Variants in GLRA1 observed in about 807,000 individuals in gnomAD.
GLRA1 encodes the protein glycine receptor alpha 1.
In GLRA1, 37 loss-of-function variants were observed where a neutral mutation model predicts 48.3. The ratio of observed to expected loss-of-function variants is 0.77; its 90% CI spans 0.59 to 1.01. The LOEUF (loss-of-function observed/expected upper bound fraction) is 1.01, where lower values mean the gene tolerates loss of function less well. Among genes scored for constraint, GLRA1 ranks in the 50% least tolerant of loss-of-function variants. The pLI, the probability that GLRA1 is intolerant of heterozygous loss-of-function variation, is 0.00. For synonymous variants in GLRA1, 196 were observed against 210.7 expected, an observed-to-expected ratio of 0.93 and a Z score of 0.60; for missense variants, 427 against 571.0, an observed-to-expected ratio of 0.75 and a Z score of 2.57.
intron 6 of GLRA1, among the ~76,000 whole-genome samples, chr5:151,853,194 AGTGCTGTCCTGT>A (rs1752952966): frequency 6.6e-6 from 1 of 152,174 alleles, no homozygotes; most frequent in African/African-American, 2.4e-5. Context: ...TAGAATTAAC[AGTGCTGTCCTGT>A]GTGCTTGAAA....
intron 2 of GLRA1, among the ~76,000 whole-genome samples, chr5:151,887,203 T>C (rs764699061): frequency 6.6e-6 from 1 of 152,238 alleles, no homozygotes; most frequent in Admixed American, 6.5e-5. Flanking sequence ...CTTCAACTTA[T>C]GAACCAAGAA....
chr5:151,904,299 G>A (rs1246493614), intron 1 of GLRA1, among the ~76,000 whole-genome samples: 1 of 152,164 alleles, frequency 6.6e-6, no homozygotes, highest in Non-Finnish European at 1.5e-5. Context: ...CACACAGGGG[G>A]ACCAAACGGG....
At chr5:151,871,054 C>T (rs915866435) in intron 3 of GLRA1, among the ~76,000 whole-genome samples, 2 of 149,448 alleles carry the variant, frequency 1.3e-5, no homozygotes, top group African/African-American at 5.2e-5. Context: ...GACACCTCCC[C>T]TGGTGTACTG....
chr5:151,850,333 T>C (rs1476379099), intron 7 of GLRA1: 16 of 1,536,802 alleles, frequency 1.0e-5, no homozygotes, highest in African/African-American at 1.4e-5. Flanking sequence ...CATTTCTGGG[T>C]GGGCTGTTTC....
chr5:151,886,898 AGATCC>A, intron 2 of GLRA1, 110 bp from the exon 3 acceptor site: 1 of 827,952 alleles, frequency 1.2e-6, no homozygotes, highest in South Asian at 1.3e-5. Context: ...TTGGTGGAGG[AGATCC>A]TTGCTTGCTC....
At chr5:151,904,238 T>C (rs933211003) in intron 1 of GLRA1, among the ~76,000 whole-genome samples, 5 of 152,166 alleles carry the variant, frequency 3.3e-5, no homozygotes, top group Non-Finnish European at 7.3e-5. Flanking sequence ...GGGATTTCTG[T>C]CCTTTTTACC....
rs201218235 is a variant in GLRA1, at chr5:151,851,911, C to CCAT, written c.698-310_698-308dup. On this transcript the variant is annotated intron_variant, in intron 6 of 8. Coordinates refer to ENST00000274576, the MANE Select transcript of GLRA1 (RefSeq NM_000171.4). Reference sequence around the variant, plus strand: ...TTGTCAATTGCCAACATCACTGTTACCATCATCATCATCATCATCATCATC... The same window carrying CCAT: ...TTGTCAATTGCCAACATCACTGTTACCATCATCATCATCATCATCATCATCATC... 1.1e-3 allele frequency among the ~76,000 whole-genome samples: 162 copies of CCAT among 151,774 alleles called. 1 individual carries two copies. Among genetic ancestry groups the CCAT allele is most frequent in the African/African-American group, 2.7e-3 (112 of 41,364 alleles).
intron 7 of GLRA1, among the ~76,000 whole-genome samples, chr5:151,830,697 G>A (rs560281639): frequency 2.6e-5 from 4 of 152,254 alleles, no homozygotes; most frequent in African/African-American, 9.6e-5. Context: ...ACCAACCTGA[G>A]CAGAGACTTC....
chr5:151,908,648 CCT>C (rs1216909011), intron 1 of GLRA1, among the ~76,000 whole-genome samples: 2 of 152,054 alleles, frequency 1.3e-5, no homozygotes, highest in Admixed American at 6.5e-5. Context: ...ATTTCTCTCC[CCT>C]TTCTTGTTTT....
At position 151,911,965 on chromosome 5, in the gene GLRA1, G is replaced by C. The variant is rs142333116; in HGVS notation, c.56+12529C>G. ...ATATGCCAACTTAATTTAAGAATTA[G>C]GCAATGACAGCTGGAATGACCTGTA... On this transcript the variant is annotated intron_variant, in intron 1 of 8. Transcript: ENST00000274576. 7.1e-3 allele frequency among the ~76,000 whole-genome samples: 1,082 copies of C among 152,254 alleles called. 52 individuals carry two copies. The highest frequency in any genetic ancestry group is 0.064 in the Admixed American group (980 of 15,280).
chr5:151,849,740 G>T (rs1395749673), intron 7 of GLRA1: 3 of 348,838 alleles, frequency 8.6e-6, no homozygotes, highest in Non-Finnish European at 1.5e-5. Flanking sequence ...TTTTAGTAGA[G>T]ACGTGGTTTC....
Position 151,924,794 on chromosome 5 carries a change from C to G in GLRA1, c.-245G>C. On this transcript the variant is annotated 5_prime_UTR_variant, in exon 1 of 9. Transcript: ENST00000274576. ...AGCGTCCAGACCTGCTTTTCAGGAGCGCGAAGAGTATTGCTGTTTGTTAAA... is the reference window on the plus strand; with the variant it reads ...AGCGTCCAGACCTGCTTTTCAGGAGGGCGAAGAGTATTGCTGTTTGTTAAA... The G allele has an allele frequency of 1.7e-6, 1 of 590,282 alleles. No homozygotes were observed. 36.6% of individuals were successfully genotyped at this position (590,282 alleles called of 1,614,324 possible).
At chr5:151,861,860 G>T (rs1482502940) in intron 3 of GLRA1, among the ~76,000 whole-genome samples, 1 of 152,106 alleles carries the variant, frequency 6.6e-6, no homozygotes, top group Non-Finnish European at 1.5e-5. Context: ...ACTGCCCAAG[G>T]TAATTTATAG....
At chr5:151,889,755 C>T (rs568519425) in intron 2 of GLRA1, among the ~76,000 whole-genome samples, 1 of 152,052 alleles carries the variant, frequency 6.6e-6, no homozygotes, top group Admixed American at 6.6e-5. Context: ...TTTAGGGAAT[C>T]TGATTTGTGT....
chr5:151,910,465 A>C (rs1291711305), intron 1 of GLRA1, among the ~76,000 whole-genome samples: 1 of 152,190 alleles, frequency 6.6e-6, no homozygotes, highest in South Asian at 2.1e-4. Flanking sequence ...CCCATAAGAG[A>C]ACATTAATAC....
chr5:151,924,455 T>C (rs978805775), intron 1 of GLRA1, 39 bp downstream of exon 1: 1 of 1,277,894 alleles, frequency 7.8e-7, no homozygotes, highest in Non-Finnish European at 1.1e-6. Flanking sequence ...TTTCCCCCCA[T>C]TTCCATCAGA....
chr5:151,883,868 C>T (rs1445543269), intron 3 of GLRA1, among the ~76,000 whole-genome samples: 5 of 152,148 alleles, frequency 3.3e-5, no homozygotes, highest in African/African-American at 1.2e-4. Context: ...TCTGCTACAC[C>T]GTTTCTGTAG....
At chr5:151,848,302 G>A (rs1259305527) in intron 7 of GLRA1, among the ~76,000 whole-genome samples, 1 of 152,228 alleles carries the variant, frequency 6.6e-6, no homozygotes, top group East Asian at 1.9e-4. Flanking sequence ...GGGTGCTGAT[G>A]TGACCAGCCC....
chr5:151,889,499 T>C (rs754476582), intron 2 of GLRA1, among the ~76,000 whole-genome samples: 35 of 152,228 alleles, frequency 2.3e-4, no homozygotes, highest in Non-Finnish European at 4.1e-4. Context: ...GCTGTTTTAG[T>C]GCCCTTTACT....
Sources: gnomAD v4.1 joint callset for allele counts (sites outside exome capture counted in the v4.1 genomes callset) on GRCh38, gnomAD v4.1.1 for gene constraint, MANE v1.5 for transcripts, NCBI Gene and HGNC (gene_info 2026-07-23, HGNC 2026-07-21) for gene names.